The following KCNU1 variants were observed in gnomAD, a reference collection of about 807,000 sequenced individuals.
KCNU1 encodes the protein potassium channel subfamily U member 1.
KCNU1 carries 93 observed loss-of-function variants against 126.8 expected under a neutral mutation model. The observed-to-expected ratio is 0.73, with a 90% confidence interval of 0.62 to 0.87. The LOEUF is 0.87. Among genes scored for constraint, KCNU1 ranks in the 40% least tolerant of loss-of-function variants. The pLI is 0.00. For missense variants in KCNU1, 1,330 were observed against 1,367.1 expected (o/e 0.97, Z 0.43); for synonymous variants, 523 against 494.2 (o/e 1.06, Z -0.77).
intron 10 of KCNU1, among the ~76,000 whole-genome samples, chr8:36,829,396 A>T (rs980695406): frequency 4.0e-5 from 6 of 151,632 alleles, no homozygotes; most frequent in South Asian, 2.1e-4. Context: ...ATAATTTTAA[A>T]TTTTTTTCGT....
chr8:36,834,477 C>G (rs1301459014), intron 11 of KCNU1, among the ~76,000 whole-genome samples: 1 of 152,200 alleles, frequency 6.6e-6, no homozygotes, highest in East Asian at 1.9e-4. Flanking sequence ...TAGGGCTTAT[C>G]ACTAGGCATC....
At chr8:36,866,114 C>T (rs1171135298) in intron 19 of KCNU1, among the ~76,000 whole-genome samples, 1 of 152,034 alleles carries the variant, frequency 6.6e-6, no homozygotes, top group Admixed American at 6.6e-5. Flanking sequence ...TTAAATGCTG[C>T]TTATTATTGC....
intron 19 of KCNU1, among the ~76,000 whole-genome samples, chr8:36,893,327 C>CTTT (rs768832342): frequency 5.8e-5 from 8 of 138,330 alleles, no homozygotes; most frequent in African/African-American, 2.1e-4. Context: ...TTTTATGGGT[C>CTTT]TTTTTTTTTT....
intron 19 of KCNU1, among the ~76,000 whole-genome samples, chr8:36,893,650 G>C (rs575544001): frequency 6.6e-6 from 1 of 152,050 alleles, no homozygotes; most frequent in Admixed American, 6.5e-5. Context: ...TAGTGGAATG[G>C]GAATAGCACT....
intron 19 of KCNU1, among the ~76,000 whole-genome samples, chr8:36,872,860 G>T (rs1164375774): frequency 2.0e-5 from 3 of 152,176 alleles, no homozygotes; most frequent in African/African-American, 7.2e-5. Flanking sequence ...GCTCATGCCT[G>T]TAATCCCAGC....
At chr8:36,909,027 C>T (rs1375204541) in intron 20 of KCNU1, among the ~76,000 whole-genome samples, 7 of 152,124 alleles carry the variant, frequency 4.6e-5, no homozygotes, top group African/African-American at 1.4e-4. Flanking sequence ...ATTTCACACC[C>T]TGAGGAATGA....
intron 19 of KCNU1, among the ~76,000 whole-genome samples, chr8:36,872,119 G>A (rs1296677825): frequency 1.3e-5 from 2 of 152,062 alleles, no homozygotes; most frequent in Admixed American, 1.3e-4. Flanking sequence ...TTTCTCAGGG[G>A]CTCACAGTCC....
Position 36,927,880 on chromosome 8 carries a change from TG to T in KCNU1, c.2737-3070del, listed in dbSNP as rs529470349. ...GTGCCCTTCAACTTGCAGATTTTCT[TG>T]TGAAAGACAAGAGGGATGGAGAGAG... is the stretch of plus-strand genomic sequence containing the variant. On this transcript the variant is annotated intron_variant, in intron 24 of 26. Transcript: ENST00000399881. Among the ~76,000 whole-genome samples the T allele has an allele frequency of 4.5e-4, 68 of 151,414 alleles. No individual in the cohort carries two copies. The East Asian group carries it at 0.012, about 27-fold the overall frequency.
intron 10 of KCNU1, among the ~76,000 whole-genome samples, chr8:36,829,843 C>A (rs1442974236): frequency 6.6e-6 from 1 of 150,986 alleles, no homozygotes; most frequent in African/African-American, 2.4e-5. Context: ...ACTTTTATTT[C>A]TAGGTACTTG....
intron 6 of KCNU1, among the ~76,000 whole-genome samples, chr8:36,808,150 C>T (rs1803575377): frequency 6.6e-6 from 1 of 152,110 alleles, no homozygotes; most frequent in South Asian, 2.1e-4. Context: ...GTGGTCCTGC[C>T]TGAAAACCAG....
intron 7 of KCNU1, among the ~76,000 whole-genome samples, chr8:36,810,467 A>G (rs1231560683): frequency 6.6e-6 from 1 of 152,158 alleles, no homozygotes; most frequent in Non-Finnish European, 1.5e-5. Context: ...AAACAATCAG[A>G]TGGCGTGTGA....
intron 7 of KCNU1, among the ~76,000 whole-genome samples, chr8:36,809,197 G>A (rs1022186299): frequency 6.6e-6 from 1 of 152,122 alleles, no homozygotes; most frequent in African/African-American, 2.4e-5. Context: ...TGTTGCAAAG[G>A]GGAGTTTGGG....
chr8:36,833,131 T>C (rs148361162), intron 10 of KCNU1, among the ~76,000 whole-genome samples: 1 of 152,174 alleles, frequency 6.6e-6, no homozygotes, highest in Admixed American at 6.5e-5. Flanking sequence ...TTCCTCTAAA[T>C]GTTCTTTTCA....
At chr8:36,829,433 T>A (rs1210116223) in intron 10 of KCNU1, among the ~76,000 whole-genome samples, 3 of 151,854 alleles carry the variant, frequency 2.0e-5, no homozygotes, top group Non-Finnish European at 2.9e-5. Context: ...TCATTTAGAA[T>A]TTTTTGTAGA....
chr8:36,833,488 A>G, intron 10 of KCNU1, 66 bp from the exon 11 acceptor site: 1 of 916,542 alleles, frequency 1.1e-6, no homozygotes, highest in Non-Finnish European at 1.8e-6. Context: ...ATTAGTTATA[A>G]AAACCTCTAA....
chr8:36,912,252 ATCTC>A (rs1453998135), intron 22 of KCNU1, among the ~76,000 whole-genome samples: 1 of 152,190 alleles, frequency 6.6e-6, no homozygotes, highest in South Asian at 2.1e-4. Flanking sequence ...GAAACCAAAA[ATCTC>A]TCTCTGACTC....
At position 36,886,074 on chromosome 8, in the gene KCNU1, G is replaced by A. The variant is rs557992276; in HGVS notation, c.2010-19634G>A. The stretch of plus-strand genomic sequence containing the variant: ...CCCACACATTACCACCACACCAATA[G>A]GGCTTCAGTATCACAAAAGTGAATT... On this transcript the variant is annotated intron_variant, in intron 19 of 26. Coordinates refer to ENST00000399881, the MANE Select transcript of KCNU1 (RefSeq NM_001031836.3). Among the ~76,000 whole-genome samples, 4 of 152,178 alleles carry A rather than the reference G, an allele frequency of 2.6e-5. No individual in the cohort carries two copies. In the East Asian group the frequency reaches 5.8e-4, roughly 22 times the overall value.
chr8:36,807,250 G>A, intron 5 of KCNU1, 125 bp from the exon 6 acceptor site: 2 of 722,734 alleles, frequency 2.8e-6, no homozygotes, highest in Non-Finnish European at 2.4e-6. Context: ...CCTATAACAT[G>A]AGAATAGATT....
intron 19 of KCNU1, among the ~76,000 whole-genome samples, chr8:36,893,481 G>A (rs952613266): frequency 5.9e-5 from 9 of 151,854 alleles, no homozygotes; most frequent in Non-Finnish European, 1.2e-4. Context: ...GCACTTCCAG[G>A]GAGCTGCTAG....
Sources: allele counts gnomAD v4.1 joint callset (sites outside exome capture counted in the v4.1 genomes callset), GRCh38; gene constraint gnomAD v4.1.1; transcripts MANE v1.5; gene names NCBI Gene and HGNC (gene_info 2026-07-23, HGNC 2026-07-21).